Variants in IQCH observed in about 807,000 individuals in gnomAD.
The protein encoded by IQCH is IQ motif containing H, also known as IQ domain-containing protein H.
A neutral mutation model predicts 117.0 loss-of-function variants in IQCH; 98 were observed. The ratio of observed to expected loss-of-function variants is 0.84; its 90% confidence interval spans 0.71 to 0.99. The LOEUF (loss-of-function observed/expected upper bound fraction) is 0.99. IQCH is among the 50% of genes least tolerant of loss of function. The pLI is 0.00. For synonymous variants in IQCH, 412 were observed against 448.2 expected (o/e 0.92, Z 1.02); for missense variants, 1,102 against 1,243.8 (o/e 0.89, Z 1.72).
At chr15:67,324,727 A>C in intron 4 of IQCH, among the ~76,000 whole-genome samples, 1 of 148,978 alleles carries the variant, frequency 6.7e-6, no homozygotes, top group East Asian at 2.0e-4. Flanking sequence ...TTTTTTCCTT[A>C]TTCAGTGCTT....
At chr15:67,311,661 A>G (rs945698825) in intron 4 of IQCH, among the ~76,000 whole-genome samples, 3 of 151,328 alleles carry the variant, frequency 2.0e-5, no homozygotes, top group South Asian at 2.1e-4. Context: ...ACTATATGCA[A>G]TTGTTACTTA....
chr15:67,472,233 A>G lies in IQCH; in HGVS notation c.2677-3463A>G, dbSNP rs747073091. 1.4e-4 allele frequency among the ~76,000 whole-genome samples: 21 copies of G among 152,168 alleles called. No individual in the cohort carries two copies. The highest frequency in any genetic ancestry group is 2.9e-4 in the Non-Finnish European group (20 of 68,026). On this transcript the variant is annotated intron_variant, in intron 17 of 20. Coordinates refer to ENST00000335894, the MANE Select transcript of IQCH (RefSeq NM_001031715.3). The surrounding 1 kb of genome is among the most constrained non-coding windows in gnomAD (Gnocchi z 4.3). Reference sequence around the variant, plus strand: ...CCCCTAGCAGATGGGACAGAGTCCAAAGAAACCTGTGGTCTGCTAGGAAAA... The same window carrying G: ...CCCCTAGCAGATGGGACAGAGTCCAGAGAAACCTGTGGTCTGCTAGGAAAA...
At position 67,476,280 on chromosome 15, in the gene IQCH, C is replaced by T. The variant is rs913964584; in HGVS notation, c.2799+462C>T. Among the ~76,000 whole-genome samples the T allele has an allele frequency of 1.3e-5, 2 of 152,268 alleles. No individual in the cohort carries two copies. Among genetic ancestry groups the T allele is most frequent in the African/African-American group, 4.8e-5 (2 of 41,480 alleles). The stretch of plus-strand genomic sequence containing the variant: ...AGCTGGTACATCCAAGGACAAGGCA[C>T]TAGCAGATTTGGTTCCTGGTGAGGG... On this transcript the variant is annotated intron_variant, in intron 18 of 20. Coordinates refer to ENST00000335894, the MANE Select transcript of IQCH (RefSeq NM_001031715.3). The surrounding 1 kb of genome is among the most constrained non-coding windows in gnomAD (Gnocchi z 4.1).
At chr15:67,345,217 C>T (rs1384747079) in intron 6 of IQCH, among the ~76,000 whole-genome samples, 1 of 152,156 alleles carries the variant, frequency 6.6e-6, no homozygotes, top group African/African-American at 2.4e-5. Flanking sequence ...TCTCAAACTC[C>T]TGACCTCAGG....
rs981039940 is a variant in IQCH at position 67,465,965 on chromosome 15, G to T, written c.2676+668G>T. On this transcript the variant is annotated intron_variant, in intron 17 of 20. Transcript: ENST00000335894. This position sits in a 1 kb window ranked among gnomAD's most constrained non-coding sequence, Gnocchi z 5.9. ...CAGCCTAAACAGACACGGCAGCCAA[G>T]GTGGCAAGGTGAAAAGCCAGTCTGA... 1.2e-4 allele frequency among the ~76,000 whole-genome samples: 18 copies of T among 152,186 alleles called. No homozygotes were observed. Among genetic ancestry groups the T allele is most frequent in the African/African-American group, 4.3e-4 (18 of 41,442 alleles).
At chr15:67,415,185 G>A (rs922222526) in intron 14 of IQCH, among the ~76,000 whole-genome samples, 1 of 152,178 alleles carries the variant, frequency 6.6e-6, no homozygotes. Context: ...TAGATGCAGG[G>A]CTTTGGGGCG....
chr15:67,354,890 G>T (rs1043663085), intron 6 of IQCH, among the ~76,000 whole-genome samples: 61 of 152,008 alleles, frequency 4.0e-4, no homozygotes, highest in African/African-American at 1.4e-3. Context: ...TGCAGCCCTG[G>T]GCCTTACATA....
At chr15:67,382,507 A>T (rs1488634171) in intron 10 of IQCH, among the ~76,000 whole-genome samples, 1 of 152,256 alleles carries the variant, frequency 6.6e-6, no homozygotes, top group Non-Finnish European at 1.5e-5. Context: ...TTGAAGGGCC[A>T]TTATTCTGCC....
Position 67,372,521 on chromosome 15 carries a change from C to A in IQCH, c.1164C>A (p.Phe388Leu), listed in dbSNP as rs773889465. 8 of 1,613,930 alleles carry A rather than the reference C, an allele frequency of 5.0e-6. No individual in the cohort carries two copies. The highest frequency in any genetic ancestry group is 6.8e-6 in the Non-Finnish European group (8 of 1,179,986). ...ATWKCYKARK[F>L]FLFYRQQKWA... ...GGAAATGCTACAAAGCAAGAAAATT[C>A]TTCCTCTTTTATCGCCAGCAGAAGT... is the stretch of plus-strand genomic sequence containing the variant. Residue 388 changes from phenylalanine (F) to leucine (L), a missense_variant, in exon 9 of 21, where the codon TTC (phenylalanine) becomes TTA (leucine). By Grantham distance (22) the Phe-to-Leu change is conservative. Coordinates refer to ENST00000335894, the MANE Select transcript of IQCH (RefSeq NM_001031715.3).
chr15:67,404,068 A>G lies in IQCH; in HGVS notation c.2097+3763A>G, dbSNP rs1291248731. ...TGCTTCTAGTAAACATTGCTATTTT[A>G]GCCCTTTGCAAGAGCAGTTTTACCT... On this transcript the variant is annotated intron_variant, in intron 14 of 20. Transcript: ENST00000335894. The surrounding 1 kb of genome is among the most constrained non-coding windows in gnomAD (Gnocchi z 4.6). The G allele has an allele frequency of 6.6e-6, 1 of 152,230 alleles. No homozygotes were observed. Among genetic ancestry groups the G allele is most frequent in the Admixed American group, 6.5e-5 (1 of 15,272 alleles). The allele number at this position is 152,230 out of a possible 1,614,324, so 9.4% of individuals were successfully genotyped here.
intron 6 of IQCH, among the ~76,000 whole-genome samples, chr15:67,351,402 T>C (rs1234073195): frequency 6.6e-6 from 1 of 152,206 alleles, no homozygotes; most frequent in East Asian, 1.9e-4. Context: ...CCATAGTTAA[T>C]TTATCCAGTC....
intron 14 of IQCH, among the ~76,000 whole-genome samples, chr15:67,415,692 C>A (rs1424522458): frequency 2.6e-5 from 4 of 151,972 alleles, no homozygotes; most frequent in African/African-American, 7.3e-5. Context: ...TATTCCAATC[C>A]CACCCCCAAA....
intron 16 of IQCH, among the ~76,000 whole-genome samples, chr15:67,451,308 G>A (rs1366741432): frequency 2.6e-5 from 4 of 151,954 alleles, no homozygotes; most frequent in Non-Finnish European, 5.9e-5. Flanking sequence ...TCTTTTAATT[G>A]TGATGTTAGG....
chr15:67,261,480 CAT>C, intron 2 of IQCH, 86 bp downstream of exon 2: 10 of 1,170,924 alleles, frequency 8.5e-6, no homozygotes, highest in Non-Finnish European at 1.2e-5. Flanking sequence ...TAGAGTCCTG[CAT>C]AATTCTGTAA....
intron 6 of IQCH, among the ~76,000 whole-genome samples, chr15:67,353,451 C>T (rs1423387273): frequency 6.6e-6 from 1 of 151,684 alleles, no homozygotes; most frequent in East Asian, 1.9e-4. Flanking sequence ...CCTCTGCCTC[C>T]AGGGCTCAAG....
chr15:67,463,338 A>G lies in IQCH; in HGVS notation c.2506-1789A>G, dbSNP rs2082844981. ...TTTCTCCACAAGACATTTTCATGGCATGTCTTATATTAAACACAAACATGT... is the reference window on the plus strand; with the variant it reads ...TTTCTCCACAAGACATTTTCATGGCGTGTCTTATATTAAACACAAACATGT... On this transcript the variant is annotated intron_variant, in intron 16 of 20. Transcript: ENST00000335894. This position sits in a 1 kb window ranked among gnomAD's most constrained non-coding sequence, Gnocchi z 4.0. Among the ~76,000 whole-genome samples, 1 of 152,218 alleles carries G rather than the reference A, an allele frequency of 6.6e-6. No individual in the cohort carries two copies. The highest frequency in any genetic ancestry group is 2.4e-5 in the African/African-American group (1 of 41,456).
chr15:67,400,377 A>G, intron 14 of IQCH, 72 bp downstream of exon 14: 1 of 1,093,064 alleles, frequency 9.1e-7, no homozygotes. Flanking sequence ...AAGTTCAGCT[A>G]AGAGATGAAA....
rs923517194 is a variant in IQCH at position 67,436,866 on chromosome 15, C to T, written c.2505+15289C>T. Among the ~76,000 whole-genome samples the T allele has an allele frequency of 5.3e-5, 8 of 152,254 alleles. No individual in the cohort carries two copies. Among genetic ancestry groups the T allele is most frequent in the Admixed American group, 2.0e-4 (3 of 15,300 alleles). ...CACAACTCCAGTGACCTGGGAACCT[C>T]ACCCTCATCCCCCACAACAGCTGCA... On this transcript the variant is annotated intron_variant, in intron 16 of 20. Transcript: ENST00000335894. This position sits in a 1 kb window ranked among gnomAD's most constrained non-coding sequence, Gnocchi z 5.1.
rs765345477 is a variant in IQCH at position 67,427,654 on chromosome 15, A to G, written c.2505+6077A>G. Among the ~76,000 whole-genome samples the G allele has an allele frequency of 1.2e-4, 18 of 152,192 alleles. No individual in the cohort carries two copies. The highest frequency in any genetic ancestry group is 2.1e-4 in the Non-Finnish European group (14 of 68,034). On this transcript the variant is annotated intron_variant, in intron 16 of 20. Coordinates refer to ENST00000335894, the MANE Select transcript of IQCH (RefSeq NM_001031715.3). The surrounding 1 kb of genome is among the most constrained non-coding windows in gnomAD (Gnocchi z 4.7). ...ACAGTTCAAAACAGTCTTTATTTCA[A>G]TAACATTTTAAAGCACTTATTTTCT...
Sources: allele counts gnomAD v4.1 joint callset (sites outside exome capture counted in the v4.1 genomes callset), GRCh38; gene constraint gnomAD v4.1.1; non-coding constraint Gnocchi (gnomAD v3.1); transcripts MANE v1.5; gene names NCBI Gene and HGNC (gene_info 2026-07-23, HGNC 2026-07-21).